Variants in SBF2 observed in about 807,000 individuals in gnomAD.
SBF2 encodes the protein SET binding factor 2.
Under a neutral mutation model 225.2 loss-of-function variants are expected in SBF2, and 112 were observed. That is an observed-to-expected ratio of 0.50 (90% CI 0.43 to 0.58). The LOEUF (loss-of-function observed/expected upper bound fraction) is 0.58. Ranked by LOEUF, SBF2 falls within the 20% of genes least tolerant of loss-of-function variation. SBF2 has a pLI of 0.00. For missense variants in SBF2, 1,996 were observed against 2,206.2 expected, an observed-to-expected ratio of 0.90 and a Z score of 1.91; for synonymous variants, 763 against 773.3, an observed-to-expected ratio of 0.99 and a Z score of 0.22.
chr11:10,210,883 AGTGCCT>A (rs1454521610), intron 1 of SBF2, among the ~76,000 whole-genome samples: 2 of 151,904 alleles, frequency 1.3e-5, no homozygotes, highest in African/African-American at 2.4e-5. Context: ...TGTGGTGGCA[AGTGCCT>A]GTAAACCCAG....
chr11:9,798,516 A>T (rs1853272688), intron 32 of SBF2, among the ~76,000 whole-genome samples: 1 of 152,208 alleles, frequency 6.6e-6, no homozygotes, highest in Non-Finnish European at 1.5e-5. Flanking sequence ...CTCCAAGGAC[A>T]ACTGCCCCAA....
At chr11:10,254,541 G>A (rs1960680371) in intron 1 of SBF2, among the ~76,000 whole-genome samples, 1 of 151,604 alleles carries the variant, frequency 6.6e-6, no homozygotes. Flanking sequence ...CAACTTAAGT[G>A]TCTATCAACA....
intron 1 of SBF2, among the ~76,000 whole-genome samples, chr11:10,284,208 C>T (rs1479635150): frequency 6.6e-6 from 1 of 152,192 alleles, no homozygotes; most frequent in East Asian, 1.9e-4. Context: ...TACAAAATCA[C>T]CACCAGGATA....
intron 2 of SBF2, among the ~76,000 whole-genome samples, chr11:10,108,568 A>G (rs1371040400): frequency 5.1e-5 from 6 of 118,454 alleles, no homozygotes; most frequent in African/African-American, 2.0e-4. Flanking sequence ...TCTGTCGCCC[A>G]GGCTGGAGTG....
chr11:9,817,976 G>C (rs553056504), intron 28 of SBF2, among the ~76,000 whole-genome samples: 2 of 152,112 alleles, frequency 1.3e-5, no homozygotes, highest in Admixed American at 1.3e-4. Flanking sequence ...ACAGAGTTTC[G>C]CTCTTGTTGC....
rs1856804702 is a variant in SBF2, at chr11:9,849,965, G to C, written c.2806+58C>G. On this transcript the variant is annotated intron_variant, in intron 22 of 39. Coordinates refer to ENST00000256190, the MANE Select transcript of SBF2 (RefSeq NM_030962.4). Reference sequence around the variant, plus strand: ...TCTGCAAATCACTGTGCACAGATGGGATCGAGACCTCATGTACCACACAGA... The same window carrying C: ...TCTGCAAATCACTGTGCACAGATGGCATCGAGACCTCATGTACCACACAGA... 5.4e-6 allele frequency: 8 copies of C among 1,471,006 alleles called. No individual in the cohort carries two copies. In the South Asian group the frequency reaches 9.1e-5, roughly 17 times the overall value. The allele number at this position is 1,471,006 out of a possible 1,614,324, so 91.1% of individuals were successfully genotyped here.
chr11:10,052,173 A>G (rs1187153095), intron 2 of SBF2, among the ~76,000 whole-genome samples: 1 of 151,840 alleles, frequency 6.6e-6, no homozygotes, highest in Non-Finnish European at 1.5e-5. Flanking sequence ...AAAAAAAGCT[A>G]TCACAGGTGC....
intron 16 of SBF2, among the ~76,000 whole-genome samples, chr11:9,925,902 T>C (rs374774587): frequency 1.3e-5 from 2 of 152,192 alleles, no homozygotes; most frequent in South Asian, 2.1e-4. Flanking sequence ...GAACTTGTTA[T>C]AGGGCAACTG....
intron 2 of SBF2, among the ~76,000 whole-genome samples, chr11:10,102,310 T>C (rs1952343119): frequency 6.6e-6 from 1 of 152,224 alleles, no homozygotes. Context: ...TGCACTTCTG[T>C]CTGATGTCTT....
intron 1 of SBF2, among the ~76,000 whole-genome samples, chr11:10,291,657 AAC>A (rs10580039): frequency 0.39 from 56,767 of 145,448 alleles, 11,033 homozygotes; most frequent in East Asian, 0.57. Context: ...TAATCCACTA[AAC>A]ACACACACAC....
At chr11:9,956,431 GT>G (rs1866169772) in intron 16 of SBF2, 1 of 152,102 alleles carries the variant, frequency 6.6e-6, no homozygotes, top group Admixed American at 6.5e-5. Flanking sequence ...CCATACATTT[GT>G]TTGATATTAT....
intron 17 of SBF2, among the ~76,000 whole-genome samples, chr11:9,886,780 C>T: frequency 6.8e-6 from 1 of 146,032 alleles, no homozygotes; most frequent in Admixed American, 6.9e-5. Context: ...GATAAATGCT[C>T]ATTTATCATT....
At chr11:10,267,087 A>T (rs1467226887) in intron 1 of SBF2, among the ~76,000 whole-genome samples, 1 of 152,172 alleles carries the variant, frequency 6.6e-6, no homozygotes. Context: ...GTGAGACTCC[A>T]TCTCAAAAAT....
At chr11:9,868,657 A>G (rs1858453278) in intron 17 of SBF2, among the ~76,000 whole-genome samples, 1 of 152,254 alleles carries the variant, frequency 6.6e-6, no homozygotes, top group South Asian at 2.1e-4. Flanking sequence ...TATTGCTAGC[A>G]TCAATTTTAT....
intron 6 of SBF2, among the ~76,000 whole-genome samples, chr11:10,014,425 A>G (rs1014350239): frequency 6.6e-6 from 1 of 151,670 alleles, no homozygotes; most frequent in African/African-American, 2.4e-5. Context: ...CTGGAACCTA[A>G]TAACATCAAC....
intron 1 of SBF2, among the ~76,000 whole-genome samples, chr11:10,207,236 C>T (rs190906515): frequency 6.6e-5 from 10 of 152,112 alleles, no homozygotes; most frequent in Non-Finnish European, 1.2e-4. Context: ...AATTCTATTT[C>T]CCACGAAACT....
chr11:9,895,449 A>C (rs1172151924), intron 17 of SBF2, among the ~76,000 whole-genome samples: 1 of 151,414 alleles, frequency 6.6e-6, no homozygotes, highest in Non-Finnish European at 1.5e-5. Flanking sequence ...AACTGTAGTA[A>C]GTGACAGAAT....
chr11:10,004,596 C>CAAA (rs1162791020), intron 6 of SBF2, among the ~76,000 whole-genome samples: 6 of 124,388 alleles, frequency 4.8e-5, no homozygotes, highest in African/African-American at 1.6e-4. Context: ...AAAAAAAAAA[C>CAAA]AAACTACATA....
intron 16 of SBF2, among the ~76,000 whole-genome samples, chr11:9,935,188 T>G (rs1370349373): frequency 6.6e-6 from 1 of 152,020 alleles, no homozygotes; most frequent in Non-Finnish European, 1.5e-5. Flanking sequence ...AAATCATGAG[T>G]GAACTCCCAT....
Sources: allele counts gnomAD v4.1 joint callset (sites outside exome capture counted in the v4.1 genomes callset), GRCh38; gene constraint gnomAD v4.1.1; transcripts MANE v1.5; gene names NCBI Gene and HGNC (gene_info 2026-07-23, HGNC 2026-07-21).